The following PNPLA1 variants were observed in gnomAD, a reference collection of about 807,000 sequenced individuals.
PNPLA1 encodes the protein patatin like domain 1, omega-hydroxyceramide transacylase, also known as omega-hydroxyceramide transacylase.
Under a neutral mutation model 51.7 loss-of-function variants are expected in PNPLA1, and 36 were observed. That is an observed-to-expected ratio of 0.70 (90% CI 0.53 to 0.92). The LOEUF (loss-of-function observed/expected upper bound fraction) is 0.92. Among genes scored for constraint, PNPLA1 ranks in the 40% least tolerant of loss-of-function variants. The pLI, the probability that PNPLA1 is intolerant of heterozygous loss-of-function variation, is 0.00. For missense variants in PNPLA1, 658 were observed against 682.5 expected (o/e 0.96, Z 0.40); for synonymous variants, 293 against 280.1 (o/e 1.05, Z -0.46).
chr6:36,288,651 G>A (rs1770581461), intron 1 of PNPLA1, among the ~76,000 whole-genome samples: 1 of 151,728 alleles, frequency 6.6e-6, no homozygotes, highest in Admixed American at 6.6e-5. Context: ...GTAGAGACGG[G>A]GTTTCACCTT....
chr6:36,258,989 G>T (rs1769589967), intron 1 of PNPLA1, among the ~76,000 whole-genome samples: 1 of 152,178 alleles, frequency 6.6e-6, no homozygotes, highest in Non-Finnish European at 1.5e-5. Flanking sequence ...CCACCCTTTG[G>T]TCACAATGCT....
At chr6:36,301,445 C>A (rs1196091253) in intron 5 of PNPLA1, among the ~76,000 whole-genome samples, 1 of 152,054 alleles carries the variant, frequency 6.6e-6, no homozygotes, top group Non-Finnish European at 1.5e-5. Context: ...ACCTTTCAGG[C>A]CCCCGACCAC....
chr6:36,262,873 G>A (rs945411235), intron 1 of PNPLA1, among the ~76,000 whole-genome samples: 1 of 151,938 alleles, frequency 6.6e-6, no homozygotes, highest in African/African-American at 2.4e-5. Flanking sequence ...TATACTTTTA[G>A]GTTATTTCTG....
At chr6:36,282,442 A>G (rs1466654044) in intron 1 of PNPLA1, among the ~76,000 whole-genome samples, 1 of 152,250 alleles carries the variant, frequency 6.6e-6, no homozygotes, top group African/African-American at 2.4e-5. Context: ...CCAAATGGAT[A>G]AAGATTCATT....
chr6:36,283,133 T>C (rs543659355), intron 1 of PNPLA1, among the ~76,000 whole-genome samples: 76 of 152,332 alleles, frequency 5.0e-4, no homozygotes, highest in African/African-American at 1.7e-3. Flanking sequence ...ATGGTCCATT[T>C]GCCAACACTA....
chr6:36,297,763 A>G (rs1770901936), intron 5 of PNPLA1, among the ~76,000 whole-genome samples: 1 of 152,036 alleles, frequency 6.6e-6, no homozygotes, highest in South Asian at 2.1e-4. Flanking sequence ...TGTCTAAAAT[A>G]TCCATCCGGC....
chr6:36,307,779 A>T, intron 8 of PNPLA1, 67 bp downstream of exon 8: 1 of 1,586,792 alleles, frequency 6.3e-7, no homozygotes. Flanking sequence ...GTTCAGAGAG[A>T]TTCCGAGGAA....
intron 1 of PNPLA1, among the ~76,000 whole-genome samples, chr6:36,262,357 C>T (rs1053304406): frequency 1.3e-5 from 2 of 152,188 alleles, no homozygotes; most frequent in East Asian, 1.9e-4. Context: ...CTACGCAGCA[C>T]GTGTAATGAA....
intron 1 of PNPLA1, among the ~76,000 whole-genome samples, chr6:36,282,111 A>G (rs1003229229): frequency 1.4e-5 from 2 of 143,824 alleles, no homozygotes; most frequent in African/African-American, 5.4e-5. Context: ...GAAGGAAGGA[A>G]GGAAGGAAGG....
intron 1 of PNPLA1, among the ~76,000 whole-genome samples, chr6:36,262,245 A>C (rs879344114): frequency 1.3e-5 from 2 of 149,070 alleles, no homozygotes; most frequent in Non-Finnish European, 3.0e-5. Context: ...ACCTCGTCCC[A>C]CCCTACCTCT....
intron 1 of PNPLA1, among the ~76,000 whole-genome samples, chr6:36,258,792 C>G (rs1769585764): frequency 6.6e-6 from 1 of 152,164 alleles, no homozygotes; most frequent in East Asian, 1.9e-4. Context: ...GACCAGAATC[C>G]AATAAAACTT....
At chr6:36,307,539 A>T (rs1433162482) in intron 7 of PNPLA1, 48 bp from the exon 8 acceptor site, 1 of 1,597,686 alleles carries the variant, frequency 6.3e-7, no homozygotes, top group Admixed American at 1.7e-5. Flanking sequence ...ATGTTGGAGG[A>T]CCGAGGTCAG....
rs769436719 is a variant in PNPLA1 at position 36,291,546 on chromosome 6, C to T, written c.432C>T (p.Leu144=). Residue 144 remains leucine, a synonymous_variant, in exon 2 of 9, where the codon CTC becomes CTT. Coordinates refer to ENST00000636260, the MANE Select transcript of PNPLA1 (RefSeq NM_001374623.1). ...CAGAGTTCACGTCCAAGGAGGAGCTCATTGAGGCAAGGGGGCTGGGCTGGG... is the reference window on the plus strand; with the variant it reads ...CAGAGTTCACGTCCAAGGAGGAGCTTATTGAGGCAAGGGGGCTGGGCTGGG... ...VVSEFTSKEE[L]IEALYCSCFV... is the part of the protein sequence containing the mutation. 9.9e-7 allele frequency: 1 copy of T among 1,006,200 alleles called. No homozygotes were observed. The highest frequency in any genetic ancestry group is 2.0e-5 in the African/African-American group (1 of 49,466). 62.3% of individuals were successfully genotyped at this position (1,006,200 alleles called of 1,614,324 possible).
intron 5 of PNPLA1, among the ~76,000 whole-genome samples, chr6:36,300,174 T>TGAGAGAGA (rs1451824406): frequency 6.2e-3 from 445 of 71,424 alleles, no homozygotes; most frequent in African/African-American, 0.016. Flanking sequence ...TGTGTGTGTG[T>TGAGAGAGA]GTGTGAGAGA....
rs1465017889 is a variant in PNPLA1, at chr6:36,291,372, C to G, written c.258C>G (p.Phe86Leu). 3.7e-6 allele frequency: 6 copies of G among 1,614,034 alleles called. No homozygotes were observed. The highest frequency in any genetic ancestry group is 1.7e-5 in the Admixed American group (1 of 59,994). Residue 86 changes from phenylalanine to leucine, a missense_variant, in exon 2 of 9, where the codon TTC becomes TTG. Phe to Leu is a conservative substitution (Grantham distance 22, BLOSUM62 0). Transcript: ENST00000636260. ...GTGTGGCCGAGGTGAAGAAATCCTT[C>G]CTGGGGCCCTTGTCCCCGTCCTGTA... ...NVGVAEVKKS[F>L]LGPLSPSCKM...
At chr6:36,309,122 C>T (rs935181370) in intron 8 of PNPLA1, among the ~76,000 whole-genome samples, 10 of 152,172 alleles carry the variant, frequency 6.6e-5, no homozygotes, top group Admixed American at 2.0e-4. Flanking sequence ...GAGGCTCACC[C>T]GGCGGCCAAA....
chr6:36,297,624 C>T (rs576759728), intron 5 of PNPLA1, among the ~76,000 whole-genome samples: 32 of 152,364 alleles, frequency 2.1e-4, no homozygotes, highest in African/African-American at 6.5e-4. Context: ...TGTCTACACT[C>T]GGCCCATCCT....
At chr6:36,291,802 C>T (rs1332442426) in intron 2 of PNPLA1, among the ~76,000 whole-genome samples, 1 of 152,220 alleles carries the variant, frequency 6.6e-6, no homozygotes, top group Admixed American at 6.5e-5. Context: ...TGCCCGGCCC[C>T]CTGCGCTAAG....
chr6:36,300,176 T>TGAGAGAGAGAGA (rs1246025508), intron 5 of PNPLA1, among the ~76,000 whole-genome samples: 62 of 72,092 alleles, frequency 8.6e-4, no homozygotes, highest in African/African-American at 2.3e-3. Context: ...TGTGTGTGTG[T>TGAGAGAGAGAGA]GTGAGAGAGA....
Sources: allele counts gnomAD v4.1 joint callset (sites outside exome capture counted in the v4.1 genomes callset), GRCh38; gene constraint gnomAD v4.1.1; transcripts MANE v1.5; gene names NCBI Gene and HGNC (gene_info 2026-07-23, HGNC 2026-07-21).